Variants in FAM13A observed in about 807,000 individuals in gnomAD.
FAM13A encodes family with sequence similarity 13 member A, also known as protein FAM13A.
Under a neutral mutation model 129.6 loss-of-function variants are expected in FAM13A, and 76 were observed. The observed-to-expected ratio is 0.59, with a 90% CI of 0.49 to 0.71. FAM13A has a LOEUF of 0.71. Among genes scored for constraint, FAM13A ranks in the 30% least tolerant of loss-of-function variants. The probability of loss-of-function intolerance (pLI) is 0.00; values close to 1 mark genes in which losing one functional copy is unlikely to be tolerated. For missense variants in FAM13A, 1,108 were observed against 1,249.3 expected (o/e 0.89, Z 1.70); for synonymous variants, 443 against 449.9 (o/e 0.98, Z 0.20).
At chr4:88,782,138 G>C (rs947103523) in intron 10 of FAM13A, among the ~76,000 whole-genome samples, 1 of 152,066 alleles carries the variant, frequency 6.6e-6, no homozygotes, top group African/African-American at 2.4e-5. Context: ...ATCTGGATTT[G>C]TTACTTCCAA....
chr4:88,885,236 GCATCA>G lies in FAM13A; in HGVS notation c.843+21138_843+21142del, dbSNP rs561482601. On this transcript the variant is annotated intron_variant, in intron 6 of 23. Coordinates refer to ENST00000264344, the MANE Select transcript of FAM13A (RefSeq NM_014883.4). ...CTAAGCAAAAAGAACAAATCTAGAG[GCATCA>G]CATTACCCAACCTCAAACTATACTA... 1.4e-3 allele frequency among the ~76,000 whole-genome samples: 210 copies of G among 152,166 alleles called. 1 individual carries two copies. Among genetic ancestry groups the G allele is most frequent in the African/African-American group, 4.6e-3 (190 of 41,522 alleles).
intron 20 of FAM13A, among the ~76,000 whole-genome samples, chr4:88,738,807 AAATT>A (rs1739548770): frequency 6.6e-6 from 1 of 152,222 alleles, no homozygotes; most frequent in South Asian, 2.1e-4. Context: ...AGGGAAAAAT[AAATT>A]CTATCAGCTT....
At chr4:88,936,776 ATTG>A (rs576055549) in intron 5 of FAM13A, 4 of 152,302 alleles carry the variant, frequency 2.6e-5, no homozygotes, top group African/African-American at 9.6e-5. Flanking sequence ...AGTGTTAAAA[ATTG>A]TTTATAAAAG....
At chr4:89,001,634 C>A (rs191678033) in intron 3 of FAM13A, among the ~76,000 whole-genome samples, 31 of 152,192 alleles carry the variant, frequency 2.0e-4, no homozygotes, top group Admixed American at 1.3e-4. Flanking sequence ...CAAGAAATGA[C>A]AATTCATAAC....
intron 5 of FAM13A, among the ~76,000 whole-genome samples, chr4:88,933,606 A>G (rs75544096): frequency 1.0e-3 from 154 of 150,880 alleles, no homozygotes; most frequent in African/African-American, 3.6e-3. Context: ...TTGCTTGCTC[A>G]TCTACTTCTG....
chr4:88,790,731 C>T (rs981466428), intron 8 of FAM13A, 104 bp from the exon 9 acceptor site: 1 of 887,340 alleles, frequency 1.1e-6, no homozygotes, highest in Admixed American at 2.1e-5. Flanking sequence ...AGCTCAGTCC[C>T]AAGTGATCCC....
At chr4:88,923,402 G>A (rs1047351049) in intron 5 of FAM13A, among the ~76,000 whole-genome samples, 3 of 152,100 alleles carry the variant, frequency 2.0e-5, no homozygotes, top group East Asian at 1.9e-4. Flanking sequence ...TTCAACAAAC[G>A]CAAATCAATA....
chr4:88,857,913 C>T (rs1300651203), intron 6 of FAM13A, among the ~76,000 whole-genome samples: 1 of 152,160 alleles, frequency 6.6e-6, no homozygotes, highest in African/African-American at 2.4e-5. Context: ...ATAGCATCTA[C>T]TTTCTTCCTA....
chr4:88,767,655 T>A lies in FAM13A; in HGVS notation c.1536-60A>T, dbSNP rs530717772. On this transcript the variant is annotated intron_variant, in intron 12 of 23. Transcript: ENST00000264344. ...ATATCTACTTGTTTTATAACGTTTT[T>A]CATCCACTGATATTATGATTTAATT... is the stretch of plus-strand genomic sequence containing the variant. 3.1e-6 allele frequency: 4 copies of A among 1,281,024 alleles called. No homozygotes were observed. In the African/African-American group the frequency reaches 4.4e-5, roughly 14 times the overall value. 79.4% of individuals were successfully genotyped at this position (1,281,024 alleles called of 1,614,324 possible). A position where few individuals can be genotyped will look rare whatever the true frequency, so the allele number is the denominator to read the frequency against.
intron 5 of FAM13A, among the ~76,000 whole-genome samples, chr4:88,919,312 T>A (rs1424058673): frequency 6.6e-6 from 1 of 152,208 alleles, no homozygotes; most frequent in African/African-American, 2.4e-5. Context: ...ACAGAATTGA[T>A]TCACCTGGTA....
chr4:89,010,401 T>C (rs1404389624), intron 3 of FAM13A, among the ~76,000 whole-genome samples: 1 of 152,210 alleles, frequency 6.6e-6, no homozygotes. Context: ...GCCTTTGGGC[T>C]AAGTCCCAAA....
At chr4:88,758,359 G>A (rs375756693) in intron 14 of FAM13A, among the ~76,000 whole-genome samples, 41 of 152,218 alleles carry the variant, frequency 2.7e-4, no homozygotes, top group African/African-American at 9.2e-4. Context: ...AAAGAGGCAG[G>A]CGACTGGCAT....
chr4:88,864,600 G>C (rs1267642729), intron 6 of FAM13A, among the ~76,000 whole-genome samples: 1 of 152,030 alleles, frequency 6.6e-6, no homozygotes, highest in African/African-American at 2.4e-5. Context: ...GTAGAGACGG[G>C]GTTTCACCAT....
rs571204983 is a variant in FAM13A at position 88,930,984 on chromosome 4, G to C, written c.759+7104C>G. 2.1e-3 allele frequency among the ~76,000 whole-genome samples: 324 copies of C among 152,282 alleles called. 2 individuals carry two copies. The highest frequency in any genetic ancestry group is 7.2e-3 in the African/African-American group (301 of 41,562). On this transcript the variant is annotated intron_variant, in intron 5 of 23. Coordinates refer to ENST00000264344, the MANE Select transcript of FAM13A (RefSeq NM_014883.4). ...TGCCTCAAACTTGGCTTAACAGTGA[G>C]GCACAGCCTAGTGTTAAACTCTCAA...
chr4:88,925,517 G>T (rs1408101550), intron 5 of FAM13A, among the ~76,000 whole-genome samples: 1 of 144,324 alleles, frequency 6.9e-6, no homozygotes, highest in African/African-American at 2.6e-5. Context: ...AGAACACATG[G>T]ACACAGGAAG....
intron 6 of FAM13A, among the ~76,000 whole-genome samples, chr4:88,898,762 AT>A (rs958616325): frequency 1.1e-4 from 17 of 152,114 alleles, no homozygotes; most frequent in Non-Finnish European, 1.8e-4. Flanking sequence ...AATAAAAAAA[AT>A]AAAAAAATAG....
rs1745190487 is a variant in FAM13A, at chr4:88,890,819, TTG to T, written c.843+15558_843+15559del. ...GAGAATACTACAAATGAAAAGAAGT[TTG>T]TAACTACAGCTAGAATATTTTAAAA... On this transcript the variant is annotated intron_variant, in intron 6 of 23. Coordinates refer to ENST00000264344, the MANE Select transcript of FAM13A (RefSeq NM_014883.4). Among the ~76,000 whole-genome samples, 6 of 152,256 alleles carry T rather than the reference TTG, an allele frequency of 3.9e-5. No homozygotes were observed. The South Asian group carries it at 1.2e-3, about 32-fold the overall frequency.
At chr4:88,750,348 C>T in intron 15 of FAM13A, 76 bp downstream of exon 15, 4 of 1,208,282 alleles carry the variant, frequency 3.3e-6, no homozygotes, top group Admixed American at 1.8e-5. Flanking sequence ...AAAAATTATT[C>T]ACTATCAGTG....
At chr4:88,879,551 C>G (rs1032269987) in intron 6 of FAM13A, among the ~76,000 whole-genome samples, 1 of 151,876 alleles carries the variant, frequency 6.6e-6, no homozygotes, top group Non-Finnish European at 1.5e-5. Context: ...ACTGGTAAAG[C>G]CATCCTTCCT....
Sources: gnomAD v4.1 joint callset for allele counts (sites outside exome capture counted in the v4.1 genomes callset) on GRCh38, gnomAD v4.1.1 for gene constraint, MANE v1.5 for transcripts, NCBI Gene and HGNC (gene_info 2026-07-23, HGNC 2026-07-21) for gene names.